The following ESPNL variants were observed in gnomAD, a reference collection of about 807,000 sequenced individuals.
ESPNL encodes espin-like protein.
In ESPNL, 49 loss-of-function variants were observed where a neutral mutation model predicts 46.8. The observed-to-expected ratio is 1.05, with a 90% CI of 0.83 to 1.33. The LOEUF is 1.33. Among genes scored for constraint, ESPNL ranks in the 40% most tolerant of loss-of-function variants. The probability of loss-of-function intolerance (pLI) is 0.00; values close to 1 mark genes in which losing one functional copy is unlikely to be tolerated. For missense variants in ESPNL, 1,540 were observed against 1,436.6 expected (o/e 1.07, Z -1.16); for synonymous variants, 664 against 662.1 (o/e 1.00, Z -0.04).
Position 238,104,441 on chromosome 2 carries a change from G to C in ESPNL, c.486-215G>C, listed in dbSNP as rs577863660. ...GATGCGTGTTTCAGACCTGGACCCA[G>C]GAGTCCCCAGAAAAGGACAGGATAG... On this transcript the variant is annotated intron_variant, in intron 2 of 8. Transcript: ENST00000343063. Among the ~76,000 whole-genome samples the C allele has an allele frequency of 3.3e-5, 5 of 152,342 alleles. No individual in the cohort carries two copies. The South Asian group carries it at 1.0e-3, about 32-fold the overall frequency.
In ESPNL at chr2:238,131,250, G is replaced by A. The variant is rs762994057; in HGVS notation, c.2536G>A (p.Ala846Thr). Residue 846 changes from alanine (A) to threonine (T), a missense_variant, in exon 9 of 9, where the codon GCT becomes ACT. Coordinates refer to ENST00000343063, the MANE Select transcript of ESPNL (RefSeq NM_194312.4). The part of the protein sequence containing the change: ...PEQFLPHVDG[A>T]PVPYSSLSLD... ...GCAGTTCCTGCCCCACGTGGACGGG[G>A]CTCCGGTGCCCTACAGCAGCCTCTC... 12 of 1,568,804 alleles carry A rather than the reference G, an allele frequency of 7.6e-6. No individual in the cohort carries two copies. Among genetic ancestry groups the A allele is most frequent in the Middle Eastern group, 1.7e-4 (1 of 6,034 alleles).
chr2:238,116,871 G>C (rs750351010), intron 4 of ESPNL, 32 bp from the exon 5 acceptor site: 1 of 1,608,038 alleles, frequency 6.2e-7, no homozygotes, highest in Non-Finnish European at 8.5e-7. Context: ...TTTGTGTCGT[G>C]GTGGGTCACA....
chr2:238,127,934 T>C (rs1391836851), intron 7 of ESPNL, among the ~76,000 whole-genome samples, 200 bp downstream of exon 7: 1 of 151,730 alleles, frequency 6.6e-6, no homozygotes, highest in Non-Finnish European at 1.5e-5. Flanking sequence ...ACGGCAGCTG[T>C]CCCCCCCACC....
chr2:238,122,958 G>A (rs6757045), intron 5 of ESPNL, among the ~76,000 whole-genome samples: 14,638 of 152,256 alleles, frequency 0.096, 880 homozygotes, highest in African/African-American at 0.16. Flanking sequence ...TGTCTTGAAC[G>A]TGGACAAAGA....
At chr2:238,108,292 G>A (rs878133) in intron 4 of ESPNL, among the ~76,000 whole-genome samples, 15,325 of 152,282 alleles carry the variant, frequency 0.1, 1,047 homozygotes, top group Non-Finnish European at 0.15. Flanking sequence ...GCTGTGAGCA[G>A]CCTGCGAGTA....
In ESPNL at chr2:238,131,196, C is replaced by T. The variant is rs769929190; in HGVS notation, c.2482C>T (p.Arg828Trp). 26 of 1,544,610 alleles carry T rather than the reference C, an allele frequency of 1.7e-5. No individual in the cohort carries two copies. Among genetic ancestry groups the T allele is most frequent in the African/African-American group, 4.1e-5 (3 of 73,140 alleles). ...VPARQLRRLS[R>W]QPRGALSPEQ... The stretch of plus-strand genomic sequence containing the variant: ...CGCCCGGCAGCTGCGGCGGCTGAGC[C>T]GGCAGCCCCGCGGGGCTTTGTCCCC... Residue 828 changes from arginine to tryptophan, a missense_variant, in exon 9 of 9, where the codon CGG (arginine) becomes TGG (tryptophan). By Grantham distance (101) the Arg-to-Trp change is moderately radical. Transcript: ENST00000343063.
intron 6 of ESPNL, among the ~76,000 whole-genome samples, chr2:238,125,969 GTGAT>G (rs1297996048): frequency 6.6e-6 from 1 of 151,832 alleles, no homozygotes; most frequent in Non-Finnish European, 1.5e-5. Flanking sequence ...TTCTCTGTGT[GTGAT>G]TGTGTCTGTG....
At position 238,100,695 on chromosome 2, in the gene ESPNL, G is replaced by A. The variant is rs61744770; in HGVS notation, c.276G>A (p.Glu92=). ...SLAELCWLVR[E]GGCGLQDQDA... is the part of the protein sequence containing the mutation. ...CCGAGCTGTGCTGGCTGGTCCGCGA[G>A]GGGGGCTGCGGTCTGCAGGTGAGCG... Residue 92 remains glutamate (E), a synonymous_variant, in exon 1 of 9, where the codon GAG becomes GAA. Coordinates refer to ENST00000343063, the MANE Select transcript of ESPNL (RefSeq NM_194312.4). The A allele has an allele frequency of 0.39, 561,233 of 1,423,046 alleles. 118,463 individuals are homozygous for A. Among genetic ancestry groups the A allele is most frequent in the Non-Finnish European group, 0.43 (474,728 of 1,097,824 alleles). 88.2% of individuals were successfully genotyped at this position (1,423,046 alleles called of 1,614,324 possible).
chr2:238,121,007 G>T (rs867431266), intron 5 of ESPNL, among the ~76,000 whole-genome samples: 95 of 152,336 alleles, frequency 6.2e-4, no homozygotes, highest in African/African-American at 1.9e-3. Flanking sequence ...GGAGTGCTGA[G>T]ACCTGCCCTG....
At position 238,130,159 on chromosome 2, in the gene ESPNL, A is replaced by G. The variant is rs934270274; in HGVS notation, c.1445A>G (p.Gln482Arg). The G allele has an allele frequency of 1.2e-6, 2 of 1,612,642 alleles. No homozygotes were observed. Among genetic ancestry groups the G allele is most frequent in the South Asian group, 2.2e-5 (2 of 91,060 alleles). ...DNGGSSGPTE[Q>R]AAWRYSQTHQ... ...GGTGGGAGCTCAGGCCCCACGGAGC[A>G]GGCGGCCTGGAGGTACTCACAGACT... The change falls in exon 9 of 9, where the codon CAG becomes CGG. Residue 482 changes from glutamine to arginine, a missense_variant. By Grantham distance (43) the Gln-to-Arg change is conservative (BLOSUM62 1). Coordinates refer to ENST00000343063, the MANE Select transcript of ESPNL (RefSeq NM_194312.4).
At chr2:238,129,003 AAGACCC>A in intron 8 of ESPNL, 99 bp downstream of exon 8, 1 of 1,457,188 alleles carries the variant, frequency 6.9e-7, no homozygotes, top group Non-Finnish European at 9.0e-7. Context: ...AACTGAATCC[AAGACCC>A]AGGGGCCCCT....
In ESPNL at chr2:238,107,994, A is replaced by G. The variant is rs779620801; in HGVS notation, c.855+21A>G. On this transcript the variant is annotated intron_variant, in intron 4 of 8. Coordinates refer to ENST00000343063, the MANE Select transcript of ESPNL (RefSeq NM_194312.4). ...TGGAGGTAAGGTGGGCGTGAGGGAG[A>G]CAGGGTGAGCAGTCACAAGTGCCAG... The G allele has an allele frequency of 3.1e-6, 5 of 1,597,172 alleles. No individual in the cohort carries two copies. The Admixed American group carries it at 8.5e-5, about 27-fold the overall frequency.
chr2:238,111,459 C>T (rs1190182957), intron 4 of ESPNL, among the ~76,000 whole-genome samples: 1 of 152,120 alleles, frequency 6.6e-6, no homozygotes, highest in Non-Finnish European at 1.5e-5. Flanking sequence ...TATCTCCCAG[C>T]CCCTGGCCAG....
At chr2:238,122,660 G>A (rs1411046679) in intron 5 of ESPNL, among the ~76,000 whole-genome samples, 1 of 152,242 alleles carries the variant, frequency 6.6e-6, no homozygotes, top group Non-Finnish European at 1.5e-5. Context: ...CACTCTGCCA[G>A]GGGTGGCCCC....
At chr2:238,101,054 G>A (rs1168445249) in intron 1 of ESPNL, among the ~76,000 whole-genome samples, 1 of 152,210 alleles carries the variant, frequency 6.6e-6, no homozygotes, top group African/African-American at 2.4e-5. Flanking sequence ...GATCCTTACA[G>A]AAGCACTGTG....
intron 5 of ESPNL, among the ~76,000 whole-genome samples, chr2:238,118,964 T>G (rs554482435): frequency 1.8e-5 from 2 of 110,840 alleles, no homozygotes; most frequent in African/African-American, 3.7e-5. Context: ...TGGAGGAGGG[T>G]GGATGGAGGA....
chr2:238,125,238 G>A, intron 5 of ESPNL, 32 bp from the exon 6 acceptor site: 2 of 1,089,338 alleles, frequency 1.8e-6, no homozygotes, highest in Non-Finnish European at 2.6e-6. Context: ...GCCCACGGGG[G>A]TCCCCCACTG....
At chr2:238,127,432 C>G in intron 6 of ESPNL, 190 bp from the exon 7 acceptor site, 1 of 1,319,478 alleles carries the variant, frequency 7.6e-7, no homozygotes, top group Middle Eastern at 2.9e-4. Flanking sequence ...CGGGGGCGGG[C>G]CCCACTGACT....
At chr2:238,106,617 C>G (rs1302359559) in intron 3 of ESPNL, among the ~76,000 whole-genome samples, 1 of 152,242 alleles carries the variant, frequency 6.6e-6, no homozygotes, top group Non-Finnish European at 1.5e-5. Context: ...TCCAGCAGTT[C>G]TGACCCATTC....
Sources: allele counts gnomAD v4.1 joint callset (sites outside exome capture counted in the v4.1 genomes callset), GRCh38; gene constraint gnomAD v4.1.1; transcripts MANE v1.5; gene names NCBI Gene and HGNC (gene_info 2026-07-23, HGNC 2026-07-21).